Variants in DYDC2 observed in about 807,000 individuals in gnomAD.
DYDC2 encodes DPY30 domain-containing protein 2.
A neutral mutation model predicts 18.7 loss-of-function variants in DYDC2; 19 were observed. The observed-to-expected ratio is 1.02, with a 90% CI of 0.71 to 1.49. DYDC2 has a LOEUF of 1.49. Among genes scored for constraint, DYDC2 ranks in the 40% most tolerant of loss-of-function variants. The pLI is 0.00. For synonymous variants in DYDC2, 63 were observed against 67.6 expected (o/e 0.93, Z 0.34); for missense variants, 179 against 205.1 (o/e 0.87, Z 0.78).
At chr10:80,356,949 G>A (rs1237104929) in intron 1 of DYDC2, 124 bp downstream of exon 1, 2 of 732,438 alleles carry the variant, frequency 2.7e-6, no homozygotes, top group Non-Finnish European at 3.3e-6. Context: ...GCGCGGCAGA[G>A]TGGAGGGGGC....
upstream of DYDC2, among the ~76,000 whole-genome samples, chr10:80,354,987 C>G (rs1336836965): frequency 6.6e-6 from 1 of 151,010 alleles, no homozygotes; most frequent in Non-Finnish European, 1.5e-5. Context: ...TATGAAATTG[C>G]AGTTAAAATA....
At chr10:80,357,211 G>A (rs770941451) in intron 1 of DYDC2, among the ~76,000 whole-genome samples, 1 of 148,114 alleles carries the variant, frequency 6.8e-6, no homozygotes, top group Non-Finnish European at 1.5e-5. Flanking sequence ...GCGTGGCAGA[G>A]AGAAGCGGGC....
chr10:80,354,859 G>C (rs1843259014), upstream of DYDC2, among the ~76,000 whole-genome samples: 1 of 152,166 alleles, frequency 6.6e-6, no homozygotes, highest in Non-Finnish European at 1.5e-5. Context: ...AATGTGTATT[G>C]TTTTTAAGCC....
At chr10:80,354,598 T>C (rs1843242812), upstream of DYDC2, 1 of 152,224 alleles carries the variant, frequency 6.6e-6, no homozygotes, top group African/African-American at 2.4e-5. Context: ...AATCCATATG[T>C]TGAAATCCTA....
intron 1 of DYDC2, among the ~76,000 whole-genome samples, chr10:80,349,053 G>C (rs1378691644): frequency 6.6e-6 from 1 of 152,048 alleles, no homozygotes; most frequent in Non-Finnish European, 1.5e-5. Context: ...CACCACGCCC[G>C]GCTAATTTTT....
upstream of DYDC2, chr10:80,352,693 G>T: frequency 6.9e-7 from 1 of 1,441,824 alleles, no homozygotes; most frequent in Non-Finnish European, 9.1e-7. Flanking sequence ...GGTGAACAAA[G>T]CCTTACATAC....
intron 1 of DYDC2, among the ~76,000 whole-genome samples, chr10:80,348,303 T>C (rs1298986053): frequency 2.0e-5 from 3 of 152,236 alleles, no homozygotes; most frequent in African/African-American, 7.2e-5. Flanking sequence ...GAAGAAATAC[T>C]CCCAACCACT....
At chr10:80,352,078 TA>T (rs1843025534), upstream of DYDC2, 1 of 1,348,032 alleles carries the variant, frequency 7.4e-7, no homozygotes, top group Non-Finnish European at 1.1e-6. Flanking sequence ...TGAAAGCACT[TA>T]ATAGGAACAA....
upstream of DYDC2, chr10:80,352,015 A>G: frequency 6.2e-7 from 1 of 1,612,362 alleles, no homozygotes. Context: ...AGCATTGTTT[A>G]AAAACAACAG....
intron 1 of DYDC2, among the ~76,000 whole-genome samples, chr10:80,346,762 G>A (rs1015074618): frequency 1.3e-5 from 2 of 151,886 alleles, no homozygotes; most frequent in South Asian, 2.1e-4. Flanking sequence ...CCCCGGCCAT[G>A]TCTCTTCCCT....
Position 80,367,049 on chromosome 10 carries a change from G to A in DYDC2, c.*98G>A. On this transcript the variant is annotated 3_prime_UTR_variant, in exon 5 of 5. Transcript: ENST00000256039. ...AGATTTAAGGGGCTGTAAAAGGCAA[G>A]TTCAGGGACTCTCCAGCCTACTCCT... 1.4e-6 allele frequency: 2 copies of A among 1,440,004 alleles called. No individual in the cohort carries two copies. Among genetic ancestry groups the A allele is most frequent in the Non-Finnish European group, 1.9e-6 (2 of 1,071,484 alleles). 89.2% of individuals were successfully genotyped at this position (1,440,004 alleles called of 1,614,324 possible).
chr10:80,362,936 G>C lies in DYDC2; in HGVS notation c.148-15G>C, dbSNP rs777998251. 3.1e-6 allele frequency: 5 copies of C among 1,609,814 alleles called. No individual in the cohort carries two copies. The highest frequency in any genetic ancestry group is 3.4e-6 in the Non-Finnish European group (4 of 1,178,266). ...CTGGTTGCTGACCTGATTTGACTCT[G>C]TCACCTCACCCCAGAATAGGGAAAA... On this transcript the variant is annotated splice_polypyrimidine_tract_variant and intron_variant, in intron 3 of 4. Transcript: ENST00000256039.
chr10:80,354,590 T>G (rs1843241735), upstream of DYDC2: 1 of 151,196 alleles, frequency 6.6e-6, no homozygotes, highest in Admixed American at 6.6e-5. Context: ...CCCCCAAAAA[T>G]CCATATGTTG....
At chr10:80,352,583 GA>G, upstream of DYDC2, 1 of 1,608,220 alleles carries the variant, frequency 6.2e-7, no homozygotes, top group Non-Finnish European at 8.5e-7. Flanking sequence ...AGGTGCTTTT[GA>G]AGATATATTG....
At chr10:80,360,739 T>C (rs959294194) in intron 2 of DYDC2, among the ~76,000 whole-genome samples, 3 of 151,842 alleles carry the variant, frequency 2.0e-5, no homozygotes, top group African/African-American at 7.2e-5. Context: ...TTTATAGAAT[T>C]CTTTCTTCTT....
intron 1 of DYDC2, among the ~76,000 whole-genome samples, chr10:80,345,448 T>A: frequency 6.6e-6 from 1 of 152,292 alleles, no homozygotes; most frequent in Admixed American, 6.5e-5. Context: ...AAATCTACTC[T>A]CTTAAAAATT....
At chr10:80,361,642 C>G (rs919940243) in intron 2 of DYDC2, among the ~76,000 whole-genome samples, 1 of 152,140 alleles carries the variant, frequency 6.6e-6, no homozygotes, top group African/African-American at 2.4e-5. Flanking sequence ...TTTGCCTTCT[C>G]CCTTCTTAAT....
At chr10:80,363,336 G>GTTT (rs3038629) in intron 4 of DYDC2, among the ~76,000 whole-genome samples, 14 of 81,626 alleles carry the variant, frequency 1.7e-4, no homozygotes, top group African/African-American at 4.8e-4. Flanking sequence ...AAAAAAATCT[G>GTTT]TTTTTTTTTT....
intron 2 of DYDC2, among the ~76,000 whole-genome samples, chr10:80,359,528 C>G (rs1843595356): frequency 6.6e-6 from 1 of 152,146 alleles, no homozygotes; most frequent in Non-Finnish European, 1.5e-5. Context: ...GTCGATGGGA[C>G]CGGGCACCGC....
Sources: allele counts gnomAD v4.1 joint callset (sites outside exome capture counted in the v4.1 genomes callset), GRCh38; gene constraint gnomAD v4.1.1; transcripts MANE v1.5; gene names NCBI Gene and HGNC (gene_info 2026-07-23, HGNC 2026-07-21).